The following ABCC1 variants were observed in gnomAD, a reference collection of about 807,000 sequenced individuals.
The protein encoded by ABCC1 is ATP binding cassette subfamily C member 1 (ABCC1 blood group).
Under a neutral mutation model 172.9 loss-of-function variants are expected in ABCC1, and 83 were observed. The observed-to-expected ratio is 0.48, with a 90% CI of 0.40 to 0.58. The LOEUF (loss-of-function observed/expected upper bound fraction) is 0.58, where lower values mean the gene tolerates loss of function less well. Ranked by LOEUF, ABCC1 falls within the 20% of genes least tolerant of loss-of-function variation. The pLI is 0.00. For missense variants in ABCC1, 1,817 were observed against 2,002.7 expected (o/e 0.91, Z 1.77); for synonymous variants, 937 against 825.2 (o/e 1.14, Z -2.32).
chr16:16,131,720 G>A, intron 26 of ABCC1, 69 bp from the exon 27 acceptor site: 2 of 1,561,498 alleles, frequency 1.3e-6, no homozygotes, highest in Non-Finnish European at 1.7e-6. Context: ...GAGAGGGGAG[G>A]TCAGGGGAGT....
In ABCC1 at chr16:16,007,899, T is replaced by G; in HGVS notation, c.132T>G (p.Phe44Leu). ...QNTVLVWVPCFYLWACFPFYF... is the reference protein window; with the variant it reads ...QNTVLVWVPCLYLWACFPFYF... ...CGGTCCTCGTGTGGGTGCCTTGTTT[T>G]TACCTCTGGGCCTGTTTCCCCTTCT... Residue 44 changes from phenylalanine to leucine, a missense_variant, in exon 2 of 31, where the codon TTT (phenylalanine) becomes TTG (leucine). This residue lies in a region of ABCC1 where 398 missense variants were observed against 384.2 expected (regional missense o/e 1.04). Transcript: ENST00000399410. 1 of 1,613,630 alleles carries G rather than the reference T, an allele frequency of 6.2e-7. No individual in the cohort carries two copies.
At chr16:15,953,251 G>A (rs2151475916) in intron 1 of ABCC1, among the ~76,000 whole-genome samples, 1 of 151,918 alleles carries the variant, frequency 6.6e-6, no homozygotes, top group East Asian at 1.9e-4. Flanking sequence ...CAGGAGAATT[G>A]CTTGAACCTG....
At chr16:16,039,243 G>GTGTGTA (rs2048878443) in intron 7 of ABCC1, among the ~76,000 whole-genome samples, 1 of 111,276 alleles carries the variant, frequency 9.0e-6, no homozygotes, top group African/African-American at 3.9e-5. Flanking sequence ...GTATGTATGT[G>GTGTGTA]TGTGTGTGTG....
chr16:16,068,874 C>T (rs567067162), intron 13 of ABCC1, among the ~76,000 whole-genome samples: 20 of 151,722 alleles, frequency 1.3e-4, no homozygotes, highest in African/African-American at 4.8e-4. Flanking sequence ...GTAATCCCAG[C>T]TACTCGGAAG....
At chr16:16,000,727 T>G (rs1403257016) in intron 1 of ABCC1, among the ~76,000 whole-genome samples, 1 of 152,210 alleles carries the variant, frequency 6.6e-6, no homozygotes, top group Admixed American at 6.5e-5. Flanking sequence ...CCCAAAATGC[T>G]GAGGTTACAA....
chr16:16,086,509 C>T (rs1020639002), intron 17 of ABCC1, among the ~76,000 whole-genome samples: 2 of 152,222 alleles, frequency 1.3e-5, no homozygotes, highest in Non-Finnish European at 2.9e-5. Context: ...GGCTGGAGTG[C>T]AGTGGCCCAG....
rs758983579 is a variant in ABCC1 at position 16,115,004 on chromosome 16, C to T, written c.3318C>T (p.Ile1106=). ...TGTTCAACGTCATTGGTGCCTGCATCGTTATCCTGCTGGCCACGCCCATCG... is the reference window on the plus strand; with the variant it reads ...TGTTCAACGTCATTGGTGCCTGCATTGTTATCCTGCTGGCCACGCCCATCG... The part of the protein sequence containing the change: ...GSLFNVIGAC[I]VILLATPIAA... Residue 1106 remains isoleucine (I), a synonymous_variant, in exon 23 of 31, where the codon ATC becomes ATT. Transcript: ENST00000399410. The T allele has an allele frequency of 1.1e-5, 17 of 1,614,188 alleles. No individual in the cohort carries two copies. Among genetic ancestry groups the T allele is most frequent in the South Asian group, 3.3e-5 (3 of 91,078 alleles).
chr16:16,114,475 G>C (rs948564259), intron 22 of ABCC1, among the ~76,000 whole-genome samples: 2 of 151,972 alleles, frequency 1.3e-5, no homozygotes, highest in African/African-American at 4.8e-5. Flanking sequence ...CGAGTAGCTG[G>C]GATTACAGGC....
intron 1 of ABCC1, among the ~76,000 whole-genome samples, chr16:15,989,092 A>T (rs895532222): frequency 1.6e-5 from 2 of 128,406 alleles, no homozygotes; most frequent in African/African-American, 5.7e-5. Flanking sequence ...AAAAAAAAAA[A>T]TTAGTTTTGC....
chr16:16,043,037 A>G (rs147849573), intron 7 of ABCC1, among the ~76,000 whole-genome samples: 324 of 150,300 alleles, frequency 2.2e-3, no homozygotes, highest in Non-Finnish European at 3.9e-3. Context: ...AATTTTTTAT[A>G]TTTTTAGTAG....
At chr16:16,020,066 C>T (rs551889520) in intron 5 of ABCC1, among the ~76,000 whole-genome samples, 21 of 152,120 alleles carry the variant, frequency 1.4e-4, no homozygotes, top group Non-Finnish European at 2.5e-4. Flanking sequence ...GGACTACAGG[C>T]GCACACCACC....
intron 1 of ABCC1, among the ~76,000 whole-genome samples, chr16:15,983,267 GC>G (rs35694522): frequency 6.6e-6 from 1 of 152,086 alleles, no homozygotes; most frequent in Non-Finnish European, 1.5e-5. Context: ...CTCTGCAAAG[GC>G]CCTGAGTCAT....
intron 1 of ABCC1, among the ~76,000 whole-genome samples, chr16:15,961,901 A>C (rs1033177266): frequency 6.6e-6 from 1 of 151,888 alleles, no homozygotes; most frequent in Non-Finnish European, 1.5e-5. Flanking sequence ...TGTGATAAGC[A>C]GTGCTGCACT....
intron 24 of ABCC1, among the ~76,000 whole-genome samples, chr16:16,122,766 C>T (rs532503444): frequency 6.6e-6 from 1 of 150,778 alleles, no homozygotes; most frequent in Non-Finnish European, 1.5e-5. Flanking sequence ...TGCCTGTAGT[C>T]CTAGCTTCTC....
At chr16:16,083,863 C>T (rs2050904044) in intron 17 of ABCC1, among the ~76,000 whole-genome samples, 1 of 152,132 alleles carries the variant, frequency 6.6e-6, no homozygotes, top group Admixed American at 6.6e-5. Context: ...GTACACTGTC[C>T]CTTCTACTCA....
intron 23 of ABCC1, among the ~76,000 whole-genome samples, chr16:16,118,883 T>TAAAAAAAAA (rs397855738): frequency 8.4e-6 from 1 of 118,446 alleles, no homozygotes. Flanking sequence ...AAGTGTATAT[T>TAAAAAAAAA]AAAAAAAAAA....
intron 30 of ABCC1, among the ~76,000 whole-genome samples, chr16:16,139,389 A>G (rs2046043142): frequency 6.6e-6 from 1 of 152,108 alleles, no homozygotes; most frequent in African/African-American, 2.4e-5. Context: ...AGGCAGGCAG[A>G]TCACCTGAGG....
At chr16:15,952,716 TAAAAAAAAAAAAAAAA>T (rs57105111) in intron 1 of ABCC1, among the ~76,000 whole-genome samples, 1 of 40,266 alleles carries the variant, frequency 2.5e-5, no homozygotes, top group South Asian at 1.6e-3. Context: ...GTGAGTTCAT[TAAAAAAAAAAAAAAAA>T]AAAAAAAAAA....
intron 20 of ABCC1, 111 bp from the exon 21 acceptor site, chr16:16,106,627 C>G: frequency 3.0e-6 from 4 of 1,345,400 alleles, no homozygotes; most frequent in Non-Finnish European, 4.1e-6. Flanking sequence ...TGTGGAAACA[C>G]TCCGTCTCTT....
Sources: gnomAD v4.1 joint callset for allele counts (sites outside exome capture counted in the v4.1 genomes callset) on GRCh38, gnomAD v4.1.1 for gene constraint, gnomAD v4.1.1 regional missense constraint, MANE v1.5 for transcripts, NCBI Gene and HGNC (gene_info 2026-07-23, HGNC 2026-07-21) for gene names.